EPB41L5: variants seen among roughly 807,000 people sequenced by gnomAD.
The protein encoded by EPB41L5 is erythrocyte membrane protein band 4.1 like 5.
Under a neutral mutation model 106.6 loss-of-function variants are expected in EPB41L5, and 55 were observed. That is an observed-to-expected ratio of 0.52 (90% CI 0.42 to 0.65). EPB41L5 has a LOEUF of 0.65. Among genes scored for constraint, EPB41L5 ranks in the 30% least tolerant of loss-of-function variants. The pLI is 0.00. For synonymous variants in EPB41L5, 297 were observed against 306.7 expected, an observed-to-expected ratio of 0.97 and a Z score of 0.33; for missense variants, 871 against 882.1, an observed-to-expected ratio of 0.99 and a Z score of 0.16.
chr2:120,106,997 CTTT>C, intron 16 of EPB41L5: 3 of 685,696 alleles, frequency 4.4e-6, no homozygotes, highest in Non-Finnish European at 5.4e-6. Context: ...TTCAAATCAT[CTTT>C]TTTTTTTTGG....
At chr2:120,094,322 G>T (rs1683607925) in intron 14 of EPB41L5, among the ~76,000 whole-genome samples, 1 of 151,906 alleles carries the variant, frequency 6.6e-6, no homozygotes. Context: ...ATTCAGTTTG[G>T]GAGTTTGTAT....
Position 120,177,658 on chromosome 2 carries a change from C to T in EPB41L5, c.*2751C>T, listed in dbSNP as rs186659232. The T allele has an allele frequency of 2.0e-5, 3 of 152,370 alleles. 1 individual carries two copies. The highest frequency in any genetic ancestry group is 6.8e-3 in the Middle Eastern group (2 of 294). The allele number at this position is 152,370 out of a possible 1,614,324, so 9.4% of individuals were successfully genotyped here. On this transcript the variant is annotated 3_prime_UTR_variant, in exon 25 of 25. Coordinates refer to ENST00000263713, the MANE Select transcript of EPB41L5 (RefSeq NM_020909.4). ...TCATGGTCATTTCATTCCTACTCTT[C>T]AGGAGACACTGCTGAACAGAGGAAT... is the stretch of plus-strand genomic sequence containing the variant.
chr2:120,159,260 T>TA (rs755674025), intron 20 of EPB41L5, among the ~76,000 whole-genome samples: 6,149 of 124,264 alleles, frequency 0.049, 165 homozygotes, highest in Middle Eastern at 0.074. Flanking sequence ...CCGTCTCTAC[T>TA]AAAAAAAAAA....
intron 24 of EPB41L5, among the ~76,000 whole-genome samples, chr2:120,171,547 AG>A (rs1264362397): frequency 6.6e-6 from 1 of 152,234 alleles, no homozygotes; most frequent in Non-Finnish European, 1.5e-5. Context: ...CACACACTGA[AG>A]GGTGAAATTT....
At chr2:120,046,407 G>C (rs1679777660) in intron 3 of EPB41L5, among the ~76,000 whole-genome samples, 2 of 152,194 alleles carry the variant, frequency 1.3e-5, no homozygotes, top group Middle Eastern at 6.8e-3. Context: ...CTGATGGCCA[G>C]TGATGATGAG....
At chr2:120,090,256 C>T (rs1278551781) in intron 11 of EPB41L5, 91 bp from the exon 12 acceptor site, 36 of 1,079,458 alleles carry the variant, frequency 3.3e-5, no homozygotes, top group African/African-American at 3.2e-5. Flanking sequence ...ACACTAGATC[C>T]TTTATTCATG....
chr2:120,100,899 A>G, intron 16 of EPB41L5, 85 bp downstream of exon 16: 2 of 901,336 alleles, frequency 2.2e-6, no homozygotes, highest in Non-Finnish European at 3.4e-6. Flanking sequence ...AGTACTTTAA[A>G]TATGATTGAA....
At chr2:120,058,798 A>T (rs1015682838) in intron 3 of EPB41L5, among the ~76,000 whole-genome samples, 1 of 152,212 alleles carries the variant, frequency 6.6e-6, no homozygotes, top group Admixed American at 6.5e-5. Context: ...AGCGTGGCTG[A>T]TGGAGAAATC....
chr2:120,092,721 A>G (rs1683498151), intron 13 of EPB41L5, among the ~76,000 whole-genome samples: 1 of 152,228 alleles, frequency 6.6e-6, no homozygotes, highest in Non-Finnish European at 1.5e-5. Context: ...TTAAATATAC[A>G]GCTATAAATG....
chr2:120,013,383 A>T (rs1187429283), intron 1 of EPB41L5, 173 bp downstream of exon 1: 2 of 151,914 alleles, frequency 1.3e-5, no homozygotes, highest in Non-Finnish European at 2.9e-5. Context: ...GCAGGGCATT[A>T]ATCCCGCCGG....
chr2:120,104,252 C>T (rs1684321835), intron 16 of EPB41L5: 13 of 1,532,660 alleles, frequency 8.5e-6, no homozygotes, highest in African/African-American at 1.4e-5. Context: ...TGTTGAGCCT[C>T]TTAGGCTTTG....
At chr2:120,121,974 C>G (rs1390078083) in intron 16 of EPB41L5, among the ~76,000 whole-genome samples, 8 of 152,136 alleles carry the variant, frequency 5.3e-5, no homozygotes, top group Non-Finnish European at 1.2e-4. Context: ...GCATAAATGT[C>G]TTCTTTTGAG....
At chr2:120,117,559 C>T (rs1444710323) in intron 16 of EPB41L5, among the ~76,000 whole-genome samples, 1 of 152,172 alleles carries the variant, frequency 6.6e-6, no homozygotes, top group Non-Finnish European at 1.5e-5. Flanking sequence ...CTCATAGCCT[C>T]ACTGACAAAG....
chr2:120,155,204 T>G (rs1320836591), intron 20 of EPB41L5, among the ~76,000 whole-genome samples: 2 of 152,174 alleles, frequency 1.3e-5, no homozygotes, highest in Non-Finnish European at 2.9e-5. Context: ...GTAAGAAACT[T>G]TCTTGGCTTT....
In EPB41L5 at chr2:120,100,622, A is replaced by T. The variant is rs551770364; in HGVS notation, c.1222-77A>T. On this transcript the variant is annotated intron_variant, in intron 15 of 24. Coordinates refer to ENST00000263713, the MANE Select transcript of EPB41L5 (RefSeq NM_020909.4). ...TTTAATTGTTGGCTTTGTAAATAGT[A>T]CTCCATTTTAGTATTTGTTGGTGAA... The T allele has an allele frequency of 5.1e-4, 497 of 983,584 alleles. 2 individuals are homozygous for T. The highest frequency in any genetic ancestry group is 7.7e-4 in the Non-Finnish European group (470 of 614,354). The allele number at this position is 983,584 out of a possible 1,614,324, so 60.9% of individuals were successfully genotyped here.
At chr2:120,120,470 GA>G (rs937915212) in intron 16 of EPB41L5, among the ~76,000 whole-genome samples, 8 of 132,476 alleles carry the variant, frequency 6.0e-5, no homozygotes, top group East Asian at 2.2e-4. Flanking sequence ...CAAGAAAAAA[GA>G]AAAAAAAGCT....
chr2:120,154,460 C>A (rs566005940), intron 20 of EPB41L5, among the ~76,000 whole-genome samples: 1 of 151,874 alleles, frequency 6.6e-6, no homozygotes, highest in Non-Finnish European at 1.5e-5. Flanking sequence ...CCACTGCACC[C>A]GGCCCCTTCC....
chr2:120,051,142 TCAAA>T (rs1245389441), intron 3 of EPB41L5, among the ~76,000 whole-genome samples: 10 of 152,182 alleles, frequency 6.6e-5, no homozygotes, highest in Non-Finnish European at 4.4e-5. Flanking sequence ...TTCTCAGATC[TCAAA>T]CAGTGTGCTG....
At chr2:120,018,602 T>C (rs942816613) in intron 1 of EPB41L5, among the ~76,000 whole-genome samples, 11 of 152,206 alleles carry the variant, frequency 7.2e-5, no homozygotes, top group African/African-American at 2.4e-4. Context: ...CCAGTTTTAA[T>C]GATTTTTTTT....
Sources: allele counts gnomAD v4.1 joint callset (sites outside exome capture counted in the v4.1 genomes callset), GRCh38; gene constraint gnomAD v4.1.1; transcripts MANE v1.5; gene names NCBI Gene and HGNC (gene_info 2026-07-23, HGNC 2026-07-21).